Variants in POFUT3 observed in about 807,000 individuals in gnomAD.
POFUT3 encodes the protein GDP-fucose protein O-fucosyltransferase 3.
At chr8:33,429,701 G>GA in the POFUT3 span, among the ~76,000 whole-genome samples, 209 of 146,452 alleles carry the variant, frequency 1.4e-3, no homozygotes, top group Non-Finnish European at 2.1e-3. Context: ...TAACTAAAAT[G>GA]AAAAAAAAAA....
the POFUT3 span, among the ~76,000 whole-genome samples, chr8:33,325,159 G>T: frequency 4.6e-5 from 7 of 152,070 alleles, no homozygotes; most frequent in African/African-American, 1.7e-4. Flanking sequence ...CCCACATCCC[G>T]TTCTTCCCTT....
At chr8:33,449,922 T>C in the POFUT3 span, among the ~76,000 whole-genome samples, 1 of 148,378 alleles carries the variant, frequency 6.7e-6, no homozygotes, top group African/African-American at 2.5e-5. Context: ...AAAGGAGGGG[T>C]TATGAAGCTT....
the POFUT3 span, among the ~76,000 whole-genome samples, chr8:33,447,011 T>C: frequency 6.6e-6 from 1 of 152,128 alleles, no homozygotes; most frequent in African/African-American, 2.4e-5. Context: ...CTAGGTCTGC[T>C]CTCAGTTTTT....
the POFUT3 span, among the ~76,000 whole-genome samples, chr8:33,412,660 C>T: frequency 1.3e-5 from 2 of 152,196 alleles, no homozygotes; most frequent in Non-Finnish European, 2.9e-5. Context: ...CAGAGTCTCA[C>T]TCTGTTGCCC....
the POFUT3 span, among the ~76,000 whole-genome samples, chr8:33,318,180 CA>C: frequency 6.6e-6 from 1 of 151,802 alleles, no homozygotes; most frequent in Non-Finnish European, 1.5e-5. Flanking sequence ...CATAGTGCAG[CA>C]AAGTGCTTAG....
the POFUT3 span, among the ~76,000 whole-genome samples, chr8:33,353,677 C>T: frequency 6.6e-6 from 1 of 152,044 alleles, no homozygotes; most frequent in African/African-American, 2.4e-5. Flanking sequence ...GGGTGCTTGG[C>T]GGTGAGATCT....
the POFUT3 span, among the ~76,000 whole-genome samples, chr8:33,384,542 G>A: frequency 2.6e-5 from 4 of 152,096 alleles, no homozygotes; most frequent in Admixed American, 6.6e-5. Flanking sequence ...TCTTCAGGCC[G>A]GGCGTGGTGG....
chr8:33,409,722 G>A, the POFUT3 span, among the ~76,000 whole-genome samples: 2 of 152,034 alleles, frequency 1.3e-5, no homozygotes, highest in Non-Finnish European at 2.9e-5. Context: ...TGGCTAACAC[G>A]GTGAAACCCC....
chr8:33,316,026 C>T, the POFUT3 span, among the ~76,000 whole-genome samples: 2 of 152,190 alleles, frequency 1.3e-5, no homozygotes, highest in Admixed American at 6.6e-5. Context: ...TGCCAAATGT[C>T]AAGAACACCT....
At chr8:33,397,244 A>G in the POFUT3 span, among the ~76,000 whole-genome samples, 1 of 152,254 alleles carries the variant, frequency 6.6e-6, no homozygotes, top group Admixed American at 6.5e-5. Flanking sequence ...TCCAAGCACG[A>G]AACAAAATTC....
At chr8:33,393,607 C>G in the POFUT3 span, among the ~76,000 whole-genome samples, 7 of 152,166 alleles carry the variant, frequency 4.6e-5, no homozygotes, top group African/African-American at 1.7e-4. Context: ...CTGGTGAAAA[C>G]AGAAGGCAAC....
the POFUT3 span, among the ~76,000 whole-genome samples, chr8:33,416,881 C>G: frequency 0.3 from 44,927 of 150,152 alleles, 6,817 homozygotes; most frequent in South Asian, 0.45. Context: ...ATAGTTCTGA[C>G]AGAAGAGGAT....
the POFUT3 span, among the ~76,000 whole-genome samples, chr8:33,343,429 C>T: frequency 2.0e-5 from 3 of 152,156 alleles, no homozygotes; most frequent in Non-Finnish European, 4.4e-5. Flanking sequence ...TGAATGTAAC[C>T]GGCAAGAAAT....
At chr8:33,370,103 G>A in the POFUT3 span, among the ~76,000 whole-genome samples, 2 of 149,318 alleles carry the variant, frequency 1.3e-5, no homozygotes, top group Admixed American at 6.7e-5. Flanking sequence ...AGGCCGAGGT[G>A]GGTGGGTCAC....
At chr8:33,353,642 T>A in the POFUT3 span, among the ~76,000 whole-genome samples, 4 of 152,184 alleles carry the variant, frequency 2.6e-5, no homozygotes, top group Non-Finnish European at 5.9e-5. Flanking sequence ...GGGAATGTGG[T>A]TGTGTTGAGC....
chr8:33,319,644 A>T, the POFUT3 span, among the ~76,000 whole-genome samples: 1 of 83,442 alleles, frequency 1.2e-5, no homozygotes, highest in Non-Finnish European at 2.0e-5. Context: ...ATATATTTAT[A>T]TATTATATAA....
chr8:33,455,303 T>C, the POFUT3 span, among the ~76,000 whole-genome samples: 1 of 152,130 alleles, frequency 6.6e-6, no homozygotes, highest in Admixed American at 6.6e-5. Flanking sequence ...GTAACAGTCA[T>C]CTGGAGGGCA....
At chr8:33,429,661 C>A in the POFUT3 span, among the ~76,000 whole-genome samples, 1 of 151,422 alleles carries the variant, frequency 6.6e-6, no homozygotes, top group African/African-American at 2.4e-5. Flanking sequence ...CGAGTGCATG[C>A]AACCAACAAT....
At chr8:33,468,796 C>G in the POFUT3 span, among the ~76,000 whole-genome samples, 1 of 152,152 alleles carries the variant, frequency 6.6e-6, no homozygotes, top group Non-Finnish European at 1.5e-5. Context: ...GGATATCTCT[C>G]CTGATTAAAA....
Sources: allele counts gnomAD v4.1 joint callset (sites outside exome capture counted in the v4.1 genomes callset), GRCh38; gene constraint gnomAD v4.1.1; transcripts MANE v1.5; gene names NCBI Gene and HGNC (gene_info 2026-07-23, HGNC 2026-07-21).